The following CKS1B variants were observed in gnomAD, a reference collection of about 807,000 sequenced individuals.
The protein encoded by CKS1B is CDC28 protein kinase regulatory subunit 1B, also known as cyclin-dependent kinases regulatory subunit 1.
CKS1B carries 5 observed loss-of-function variants against 12.2 expected under a neutral mutation model. The observed-to-expected ratio is 0.41, with a 90% CI of 0.21 to 0.86. CKS1B has a LOEUF of 0.86. Ranked by LOEUF, CKS1B falls within the 40% of genes least tolerant of loss-of-function variation. The pLI, the probability that CKS1B is intolerant of heterozygous loss-of-function variation, is 0.32. For missense variants in CKS1B, 53 were observed against 99.9 expected, an observed-to-expected ratio of 0.53 and a Z score of 2.00; for synonymous variants, 24 against 34.4, an observed-to-expected ratio of 0.70 and a Z score of 1.06.
chr1:154,976,042 C>T lies in CKS1B; in HGVS notation c.59+1238C>T, dbSNP rs1163163568. On this transcript the variant is annotated intron_variant, in intron 1 of 2. Transcript: ENST00000308987. Reference sequence around the variant, plus strand: ...CCGAACCCCCGAGTCAGGATTTTACCTATATAACAAACCTGCACATGTACC... The same window carrying T: ...CCGAACCCCCGAGTCAGGATTTTACTTATATAACAAACCTGCACATGTACC... Among the ~76,000 whole-genome samples, 4 of 151,790 alleles carry T rather than the reference C, an allele frequency of 2.6e-5. No homozygotes were observed. The East Asian group carries it at 5.8e-4, about 22-fold the overall frequency.
chr1:154,978,206 A>C lies in CKS1B; in HGVS notation c.187+92A>C, dbSNP rs1657237394. 2.3e-6 allele frequency: 3 copies of C among 1,299,796 alleles called. No homozygotes were observed. In the South Asian group the frequency reaches 5.2e-5, roughly 23 times the overall value. The allele number at this position is 1,299,796 out of a possible 1,614,324, so 80.5% of individuals were successfully genotyped here. ...TATAACCCAAATAGGGAGATAGGAAATGGTTTACTGGTTCCTTCCCCCTCC... is the reference window on the plus strand; with the variant it reads ...TATAACCCAAATAGGGAGATAGGAACTGGTTTACTGGTTCCTTCCCCCTCC... On this transcript the variant is annotated intron_variant, in intron 2 of 2. Coordinates refer to ENST00000308987, the MANE Select transcript of CKS1B (RefSeq NM_001826.3).
chr1:154,975,009 C>T (rs1657112700), intron 1 of CKS1B: 1 of 1,438,020 alleles, frequency 7.0e-7, no homozygotes, highest in Non-Finnish European at 9.8e-7. Flanking sequence ...AATTTGGAGT[C>T]GCCTCTCAGT....
rs752749536 is a variant in CKS1B at position 154,974,944 on chromosome 1, A to C, written c.59+140A>C. 6.8e-6 allele frequency: 11 copies of C among 1,613,206 alleles called. No individual in the cohort carries two copies. In the African/African-American group the frequency reaches 1.5e-4, roughly 22 times the overall value. On this transcript the variant is annotated intron_variant, in intron 1 of 2. Coordinates refer to ENST00000308987, the MANE Select transcript of CKS1B (RefSeq NM_001826.3). ...ACGGGCAATGGTGTGATATTGTGGA[A>C]GGCGTAAGGCGCATGCGCGGAGGTG...
chr1:154,977,239 C>G (rs1003094391), intron 1 of CKS1B: 1 of 152,080 alleles, frequency 6.6e-6, no homozygotes, highest in African/African-American at 2.4e-5. Context: ...CTCAACCTCC[C>G]AAATAGCTGG....
At chr1:154,978,693 G>A (rs374302695) in intron 2 of CKS1B, 32 bp from the exon 3 acceptor site, 2 of 1,604,500 alleles carry the variant, frequency 1.2e-6, no homozygotes, top group Non-Finnish European at 8.5e-7. Context: ...AATGGTGTGA[G>A]CTTGTCTCTT....
intron 1 of CKS1B, chr1:154,975,178 C>G (rs1006104313): frequency 1.7e-6 from 1 of 585,238 alleles, no homozygotes; most frequent in African/African-American, 1.9e-5. Flanking sequence ...GTAGCAAAAG[C>G]GGAGCTGGAA....
intron 2 of CKS1B, 61 bp from the exon 3 acceptor site, chr1:154,978,664 C>A: frequency 7.1e-7 from 1 of 1,405,076 alleles, no homozygotes; most frequent in Non-Finnish European, 1.0e-6. Context: ...TAGTGGAATA[C>A]ACTATAGGTT....
intron 1 of CKS1B, 47 bp from the exon 2 acceptor site, chr1:154,977,940 G>A (rs746463553): frequency 1.9e-6 from 3 of 1,584,048 alleles, no homozygotes; most frequent in Non-Finnish European, 1.7e-6. Flanking sequence ...CTAAGAGACT[G>A]TATCTGGTAC....
At chr1:154,974,962 C>T (rs771679118) in intron 1 of CKS1B, 158 bp downstream of exon 1, 63 of 1,608,832 alleles carry the variant, frequency 3.9e-5, no homozygotes, top group Non-Finnish European at 4.8e-5. Flanking sequence ...GGCGCATGCG[C>T]GGAGGTGGGA....
intron 2 of CKS1B, 145 bp downstream of exon 2, chr1:154,978,259 A>G (rs752693842): frequency 3.2e-5 from 27 of 856,092 alleles, no homozygotes; most frequent in South Asian, 4.2e-5. Context: ...TTAAAAAAAA[A>G]CTAGTGACCA....
intron 1 of CKS1B, chr1:154,977,575 C>T (rs2102229734): frequency 6.2e-6 from 1 of 160,142 alleles, no homozygotes; most frequent in South Asian, 1.7e-4. Context: ...TAGTTCATTT[C>T]ATCCTTTGTA....
intron 1 of CKS1B, chr1:154,975,033 G>A: frequency 8.6e-7 from 1 of 1,168,704 alleles, no homozygotes. Context: ...GAGGAGAGAG[G>A]GGTGGGCGTG....
At chr1:154,978,239 G>T in intron 2 of CKS1B, 125 bp downstream of exon 2, 2 of 1,064,586 alleles carry the variant, frequency 1.9e-6, no homozygotes, top group Non-Finnish European at 2.6e-6. Flanking sequence ...TCCAGTCGTG[G>T]GGGATTTTTT....
At chr1:154,974,871 G>A (rs1657096818) in intron 1 of CKS1B, 67 bp downstream of exon 1, 18 of 1,614,054 alleles carry the variant, frequency 1.1e-5, no homozygotes, top group Admixed American at 1.7e-5. Context: ...CAAGGAATTA[G>A]TAACAGGAAC....
At chr1:154,976,873 C>T (rs918977791) in intron 1 of CKS1B, among the ~76,000 whole-genome samples, 9 of 152,118 alleles carry the variant, frequency 5.9e-5, no homozygotes, top group Non-Finnish European at 1.2e-4. Context: ...TTGAGCATGA[C>T]GAAGACTATG....
At chr1:154,976,240 G>T (rs1657181754) in intron 1 of CKS1B, among the ~76,000 whole-genome samples, 1 of 152,216 alleles carries the variant, frequency 6.6e-6, no homozygotes, top group East Asian at 1.9e-4. Context: ...CAAGGATGGT[G>T]ATGATGGAAT....
chr1:154,974,761 A>G lies in CKS1B; in HGVS notation c.16A>G (p.Ile6Val). Residue 6 changes from isoleucine to valine, a missense_variant, in exon 1 of 3, where the codon ATT becomes GTT. Coordinates refer to ENST00000308987, the MANE Select transcript of CKS1B (RefSeq NM_001826.3). ...CCGAGCGATCATGTCGCACAAACAA[A>G]TTTACTATTCGGACAAATACGACGA... is the stretch of plus-strand genomic sequence containing the variant. MSHKQ[I>V]YYSDKYDDEE... 1 of 1,610,760 alleles carries G rather than the reference A, an allele frequency of 6.2e-7. No homozygotes were observed. Among genetic ancestry groups the G allele is most frequent in the Admixed American group, 1.7e-5 (1 of 59,344 alleles).
At chr1:154,978,288 C>T (rs1657240280) in intron 2 of CKS1B, 174 bp downstream of exon 2, 7 of 657,650 alleles carry the variant, frequency 1.1e-5, no homozygotes, top group Non-Finnish European at 1.7e-5. Context: ...ACTAAAATAT[C>T]TGGGAAGTTC....
At chr1:154,978,154 CA>C in intron 2 of CKS1B, 40 bp downstream of exon 2, 3 of 1,590,468 alleles carry the variant, frequency 1.9e-6, no homozygotes, top group Non-Finnish European at 1.7e-6. Flanking sequence ...AGAACTGCTA[CA>C]CTGAGAGAAT....
Sources: allele counts gnomAD v4.1 joint callset (sites outside exome capture counted in the v4.1 genomes callset), GRCh38; gene constraint gnomAD v4.1.1; transcripts MANE v1.5; gene names NCBI Gene and HGNC (gene_info 2026-07-23, HGNC 2026-07-21).